KIF26B: variants seen among roughly 807,000 people sequenced by gnomAD.
KIF26B encodes the protein kinesin family member 26B.
KIF26B carries 63 observed loss-of-function variants against 151.2 expected under a neutral mutation model. That is an observed-to-expected ratio of 0.42 (90% CI 0.34 to 0.51). The LOEUF (loss-of-function observed/expected upper bound fraction) is 0.51. KIF26B is among the 20% of genes least tolerant of loss of function. KIF26B has a pLI of 0.07. For missense variants in KIF26B, 2,813 were observed against 2,913.6 expected (o/e 0.97, Z 0.79); for synonymous variants, 1,357 against 1,262.1 (o/e 1.08, Z -1.59).
At chr1:245,361,196 A>G (rs1008782199) in intron 2 of KIF26B, among the ~76,000 whole-genome samples, 10 of 152,140 alleles carry the variant, frequency 6.6e-5, no homozygotes, top group Non-Finnish European at 1.3e-4. Context: ...TCGCATTCCC[A>G]CCTGCCTTTG....
At chr1:245,392,942 G>T (rs1474426967) in intron 3 of KIF26B, among the ~76,000 whole-genome samples, 4 of 152,118 alleles carry the variant, frequency 2.6e-5, no homozygotes, top group African/African-American at 9.7e-5. Flanking sequence ...AGGTCATAGT[G>T]GGTGGATCAC....
intron 2 of KIF26B, among the ~76,000 whole-genome samples, chr1:245,347,185 T>G (rs1403069253): frequency 6.6e-6 from 1 of 152,206 alleles, no homozygotes; most frequent in Non-Finnish European, 1.5e-5. Flanking sequence ...GTATCATCAT[T>G]TCTTCTCTCT....
intron 2 of KIF26B, among the ~76,000 whole-genome samples, chr1:245,236,824 C>A (rs1418223051): frequency 1.3e-5 from 2 of 152,158 alleles, no homozygotes; most frequent in Non-Finnish European, 2.9e-5. Context: ...GCTGCTGTAT[C>A]CCCAGGGCAG....
intron 12 of KIF26B, 148 bp from the exon 13 acceptor site, chr1:245,697,958 T>C: frequency 1.5e-6 from 1 of 683,566 alleles, no homozygotes; most frequent in Non-Finnish European, 2.4e-6. Context: ...AGAGAATTGC[T>C]TGAGCCCAGG....
intron 2 of KIF26B, among the ~76,000 whole-genome samples, chr1:245,271,299 A>G (rs1670852238): frequency 6.6e-6 from 1 of 152,190 alleles, no homozygotes; most frequent in Non-Finnish European, 1.5e-5. Context: ...AAAAAATGCC[A>G]TTGGGAATTT....
chr1:245,256,665 C>T (rs915486605), intron 2 of KIF26B, among the ~76,000 whole-genome samples: 4 of 152,206 alleles, frequency 2.6e-5, no homozygotes, highest in East Asian at 1.9e-4. Flanking sequence ...CTAATCCAGG[C>T]GGTGATGGGA....
At chr1:245,640,121 T>TTCTC (rs1330605983) in intron 9 of KIF26B, among the ~76,000 whole-genome samples, 1 of 38,664 alleles carries the variant, frequency 2.6e-5, no homozygotes. Context: ...TACTAATATT[T>TTCTC]GCTCTCTCTC....
chr1:245,196,972 G>T (rs968512669), intron 2 of KIF26B, among the ~76,000 whole-genome samples: 1 of 152,116 alleles, frequency 6.6e-6, no homozygotes, highest in African/African-American at 2.4e-5. Flanking sequence ...TTTGGCGGAA[G>T]AACAATTTTG....
At chr1:245,238,125 G>A (rs1411933760) in intron 2 of KIF26B, among the ~76,000 whole-genome samples, 3 of 152,108 alleles carry the variant, frequency 2.0e-5, no homozygotes, top group Admixed American at 2.0e-4. Flanking sequence ...CTGAGGTCAG[G>A]AGTTCAAGAC....
Position 245,495,791 on chromosome 1 carries a change from C to A in KIF26B, c.1167-44976C>A, listed in dbSNP as rs71636565. Among the ~76,000 whole-genome samples the A allele has an allele frequency of 0.033, 5,031 of 151,980 alleles. 133 individuals are homozygous for A. The highest frequency in any genetic ancestry group is 0.05 in the Non-Finnish European group (3,378 of 67,948). On this transcript the variant is annotated intron_variant, in intron 4 of 14. Coordinates refer to ENST00000407071, the MANE Select transcript of KIF26B (RefSeq NM_018012.4). The surrounding 1 kb of genome is among the most constrained non-coding windows in gnomAD (Gnocchi z 4.2). ...TACAATGTAGTAAAACTGTTGAAAA[C>A]AAAAGCCAAGGAGAAAAATGATTAA...
At chr1:245,450,967 GGT>G (rs1455586350) in intron 4 of KIF26B, among the ~76,000 whole-genome samples, 1 of 152,030 alleles carries the variant, frequency 6.6e-6, no homozygotes, top group Non-Finnish European at 1.5e-5. Context: ...ACTGCTTTGG[GGT>G]GTGTCTTCCT....
At chr1:245,539,692 A>G (rs147705077) in intron 4 of KIF26B, among the ~76,000 whole-genome samples, 16 of 152,184 alleles carry the variant, frequency 1.1e-4, no homozygotes, top group East Asian at 5.8e-4. Flanking sequence ...TCACTCTGTC[A>G]CCCAGCCTGG....
At chr1:245,215,722 T>C (rs1333152809) in intron 2 of KIF26B, among the ~76,000 whole-genome samples, 1 of 152,196 alleles carries the variant, frequency 6.6e-6, no homozygotes, top group Admixed American at 6.6e-5. Flanking sequence ...AAAGCTGGGA[T>C]AGAAGAAATT....
rs764776788 is a variant in KIF26B, at chr1:245,688,691, G to A, written c.5708G>A (p.Arg1903Gln). ...GGSSGYESVMRDSEATGSASS... is the reference protein window; with the variant it reads ...GGSSGYESVMQDSEATGSASS... ...AGCAGCGGCTACGAGAGCGTGATGC[G>A]GGACAGCGAGGCCACCGGCAGCGCG... The change falls in exon 12 of 15, where the codon CGG becomes CAG. Residue 1903 changes from arginine to glutamine, a missense_variant. This residue lies in a region of KIF26B where 2,060 missense variants were observed against 2,088.6 expected (regional missense o/e 0.99). Coordinates refer to ENST00000407071, the MANE Select transcript of KIF26B (RefSeq NM_018012.4). 22 of 1,606,248 alleles carry A rather than the reference G, an allele frequency of 1.4e-5. No homozygotes were observed. Among genetic ancestry groups the A allele is most frequent in the African/African-American group, 2.7e-5 (2 of 74,924 alleles).
intron 4 of KIF26B, among the ~76,000 whole-genome samples, chr1:245,487,099 T>TG (rs11385851): frequency 0.21 from 31,786 of 151,394 alleles, 3,523 homozygotes; most frequent in East Asian, 0.31. Flanking sequence ...GAATTGAGAA[T>TG]GGGGGGGGTG....
intron 2 of KIF26B, among the ~76,000 whole-genome samples, chr1:245,186,261 A>G (rs916315511): frequency 3.3e-5 from 5 of 152,128 alleles, no homozygotes; most frequent in African/African-American, 1.2e-4. Context: ...TCGATGAGTC[A>G]TGGGCCGAGC....
At chr1:245,294,379 C>T (rs1671303433) in intron 2 of KIF26B, among the ~76,000 whole-genome samples, 2 of 152,182 alleles carry the variant, frequency 1.3e-5, no homozygotes, top group Admixed American at 1.3e-4. Flanking sequence ...TGCGCAGTCC[C>T]ATCTTACATC....
intron 4 of KIF26B, among the ~76,000 whole-genome samples, chr1:245,453,311 A>C (rs1397050066): frequency 6.6e-6 from 1 of 152,224 alleles, no homozygotes; most frequent in Non-Finnish European, 1.5e-5. Context: ...AGGCAAAAGG[A>C]AAAATCAGTA....
chr1:245,448,310 C>A (rs919665336), intron 4 of KIF26B, among the ~76,000 whole-genome samples: 1 of 152,182 alleles, frequency 6.6e-6, no homozygotes, highest in African/African-American at 2.4e-5. Context: ...CAGGTGCAAG[C>A]GATTCTCCTG....
Sources: allele counts gnomAD v4.1 joint callset (sites outside exome capture counted in the v4.1 genomes callset), GRCh38; gene constraint gnomAD v4.1.1; regional missense constraint gnomAD v4.1.1; non-coding constraint Gnocchi (gnomAD v3.1); transcripts MANE v1.5; gene names NCBI Gene and HGNC (gene_info 2026-07-23, HGNC 2026-07-21).